LDLRAD4: variants seen among roughly 807,000 people sequenced by gnomAD.
The protein encoded by LDLRAD4 is low density lipoprotein receptor class A domain containing 4.
LDLRAD4 carries 5 observed loss-of-function variants against 17.0 expected under a neutral mutation model. The ratio of observed to expected loss-of-function variants is 0.29; its 90% CI spans 0.15 to 0.62. LDLRAD4 has a LOEUF of 0.62. LDLRAD4 is among the 20% of genes least tolerant of loss of function. LDLRAD4 has a pLI of 0.84. For synonymous variants in LDLRAD4, 168 were observed against 171.8 expected (o/e 0.98, Z 0.17); for missense variants, 340 against 424.7 (o/e 0.80, Z 1.75).
At chr18:13,588,960 G>A (rs2094972408) in intron 3 of LDLRAD4, among the ~76,000 whole-genome samples, 1 of 138,112 alleles carries the variant, frequency 7.2e-6, no homozygotes, top group African/African-American at 2.8e-5. Flanking sequence ...ACAGAGTCTC[G>A]CTCTGTCGCC....
chr18:13,529,057 C>T (rs755366964), intron 3 of LDLRAD4, among the ~76,000 whole-genome samples: 49 of 152,286 alleles, frequency 3.2e-4, no homozygotes, highest in Non-Finnish European at 6.3e-4. Flanking sequence ...GATGGGAAGT[C>T]GAAATAGCAG....
chr18:13,638,781 C>T (rs1341141457), intron 4 of LDLRAD4, among the ~76,000 whole-genome samples: 2 of 152,182 alleles, frequency 1.3e-5, no homozygotes, highest in Non-Finnish European at 2.9e-5. Flanking sequence ...TCTTGAGTTT[C>T]TTGGGTTTAG....
intron 3 of LDLRAD4, among the ~76,000 whole-genome samples, chr18:13,593,618 CTG>C (rs1209168505): frequency 2.6e-5 from 4 of 152,308 alleles, no homozygotes; most frequent in South Asian, 4.1e-4. Flanking sequence ...ATTTATATAT[CTG>C]TCTATCTAGC....
exon 6 of LDLRAD4, chr18:13,650,047 T>C (rs749820160): frequency 5.0e-6 from 2 of 398,666 alleles, no homozygotes; most frequent in Non-Finnish European, 4.4e-6. Context: ...CTGCGTGGCT[T>C]ACCGTTCGCC....
At chr18:13,620,866 T>G in intron 3 of LDLRAD4, 1 of 550,980 alleles carries the variant, frequency 1.8e-6, no homozygotes, top group Non-Finnish European at 3.2e-6. Context: ...TGTGGAGACG[T>G]TCTCAGCTCC....
chr18:13,376,400 TCCC>T, intron 1 of LDLRAD4, among the ~76,000 whole-genome samples: 1 of 152,042 alleles, frequency 6.6e-6, no homozygotes, highest in East Asian at 1.9e-4. Flanking sequence ...AGCCTGTGCA[TCCC>T]CATGAACAGC....
chr18:13,524,771 C>T (rs112018957), intron 3 of LDLRAD4, among the ~76,000 whole-genome samples: 7 of 152,314 alleles, frequency 4.6e-5, no homozygotes, highest in African/African-American at 1.7e-4. Context: ...CATGCAGGGT[C>T]CCCAGAATGG....
chr18:13,374,601 G>C (rs544708562), intron 1 of LDLRAD4, among the ~76,000 whole-genome samples: 12 of 152,320 alleles, frequency 7.9e-5, no homozygotes, highest in Non-Finnish European at 1.5e-4. Flanking sequence ...CAGAACAGCC[G>C]TGCATCAGAA....
chr18:13,636,279 G>T (rs1244421669), intron 4 of LDLRAD4, among the ~76,000 whole-genome samples: 1 of 152,020 alleles, frequency 6.6e-6, no homozygotes, highest in East Asian at 1.9e-4. Flanking sequence ...GACAAAAAAG[G>T]TCGGCCCCTC....
At chr18:13,494,143 G>A (rs1468586459) in intron 3 of LDLRAD4, among the ~76,000 whole-genome samples, 1 of 152,146 alleles carries the variant, frequency 6.6e-6, no homozygotes, top group Non-Finnish European at 1.5e-5. Flanking sequence ...CTGAGAGGAG[G>A]CATCATGGTT....
At chr18:13,424,346 G>A (rs1325698675) in intron 2 of LDLRAD4, among the ~76,000 whole-genome samples, 1 of 152,172 alleles carries the variant, frequency 6.6e-6, no homozygotes, top group Non-Finnish European at 1.5e-5. Context: ...TCTTTAGCTT[G>A]TGTGTCTGTG....
intron 4 of LDLRAD4, among the ~76,000 whole-genome samples, chr18:13,640,045 G>C (rs946757780): frequency 6.6e-6 from 1 of 152,172 alleles, no homozygotes; most frequent in African/African-American, 2.4e-5. Flanking sequence ...CCAGCACTTT[G>C]GGAGGCCGAG....
intron 1 of LDLRAD4, among the ~76,000 whole-genome samples, chr18:13,222,370 CTA>C (rs2145338444): frequency 6.6e-6 from 1 of 151,010 alleles, no homozygotes; most frequent in African/African-American, 2.4e-5. Flanking sequence ...AAGATGACAA[CTA>C]TTTTTTTTTA....
chr18:13,569,496 A>G (rs930636667), intron 3 of LDLRAD4, among the ~76,000 whole-genome samples: 7 of 152,222 alleles, frequency 4.6e-5, no homozygotes, highest in Non-Finnish European at 8.8e-5. Context: ...TTCAAGGAAA[A>G]AAATATTCTC....
At chr18:13,274,528 C>T (rs942432477), upstream of LDLRAD4, among the ~76,000 whole-genome samples, 1 of 152,196 alleles carries the variant, frequency 6.6e-6, no homozygotes, top group Admixed American at 6.5e-5. Context: ...TGTGAGAATC[C>T]TGCTGCCTGC....
rs934716330 is a variant in LDLRAD4, at chr18:13,300,963, T to C, written c.-383+22775T>C. On this transcript the variant is annotated intron_variant, in intron 1 of 5. Coordinates refer to ENST00000359446, the Ensembl canonical transcript of LDLRAD4. This position sits in a 1 kb window ranked among gnomAD's most constrained non-coding sequence, Gnocchi z 4.2. Reference sequence around the variant, plus strand: ...GATCTTCCAGTGCCCGAGTCCCCGCTGTGAGCGCCCTGAGGAGCATGTGTG... The same window carrying C: ...GATCTTCCAGTGCCCGAGTCCCCGCCGTGAGCGCCCTGAGGAGCATGTGTG... 1.3e-5 allele frequency among the ~76,000 whole-genome samples: 2 copies of C among 152,232 alleles called. No homozygotes were observed. Among genetic ancestry groups the C allele is most frequent in the African/African-American group, 4.8e-5 (2 of 41,466 alleles).
At chr18:13,399,070 C>T (rs2086935989) in intron 2 of LDLRAD4, among the ~76,000 whole-genome samples, 1 of 152,072 alleles carries the variant, frequency 6.6e-6, no homozygotes, top group Non-Finnish European at 1.5e-5. Context: ...AAGATGCCAC[C>T]AGATGTGGTG....
At chr18:13,580,806 G>A (rs2094845926) in intron 3 of LDLRAD4, among the ~76,000 whole-genome samples, 1 of 152,148 alleles carries the variant, frequency 6.6e-6, no homozygotes, top group African/African-American at 2.4e-5. Flanking sequence ...TTTGAACTAC[G>A]GCTCCCTTTC....
intron 2 of LDLRAD4, among the ~76,000 whole-genome samples, chr18:13,407,586 G>A (rs1283607170): frequency 5.3e-5 from 8 of 152,198 alleles, no homozygotes; most frequent in African/African-American, 1.4e-4. Context: ...TACTAACACC[G>A]GTAGGAGCTG....
Sources: gnomAD v4.1 joint callset for allele counts (sites outside exome capture counted in the v4.1 genomes callset) on GRCh38, gnomAD v4.1.1 for gene constraint, Gnocchi (gnomAD v3.1) non-coding constraint, MANE v1.5 for transcripts, NCBI Gene and HGNC (gene_info 2026-07-23, HGNC 2026-07-21) for gene names.